Variants in RABGAP1L observed in about 807,000 individuals in gnomAD.
RABGAP1L encodes rab GTPase-activating protein 1-like.
In RABGAP1L, 63 loss-of-function variants were observed where a neutral mutation model predicts 137.7. That is an observed-to-expected ratio of 0.46 (90% CI 0.37 to 0.56). The LOEUF is 0.56. Ranked by LOEUF, RABGAP1L falls within the 20% of genes least tolerant of loss-of-function variation. The pLI is 0.00. For synonymous variants in RABGAP1L, 431 were observed against 433.7 expected (o/e 0.99, Z 0.08); for missense variants, 1,095 against 1,244.0 (o/e 0.88, Z 1.80).
intron 13 of RABGAP1L, among the ~76,000 whole-genome samples, chr1:174,587,224 T>C (rs12132404): frequency 0.039 from 5,725 of 145,286 alleles, 151 homozygotes; most frequent in Non-Finnish European, 0.06. Flanking sequence ...TGCATGTGTC[T>C]TTATAGCAGC....
At chr1:174,733,258 T>C (rs975495177) in intron 17 of RABGAP1L, among the ~76,000 whole-genome samples, 5 of 152,212 alleles carry the variant, frequency 3.3e-5, no homozygotes, top group Admixed American at 1.3e-4. Flanking sequence ...GACCAAGATA[T>C]GGCAGGCTGC....
At chr1:174,691,473 C>T (rs1179811016) in intron 15 of RABGAP1L, among the ~76,000 whole-genome samples, 5 of 152,152 alleles carry the variant, frequency 3.3e-5, no homozygotes, top group African/African-American at 9.7e-5. Context: ...TATTACCAAA[C>T]GGTGATTACA....
intron 19 of RABGAP1L, among the ~76,000 whole-genome samples, chr1:174,941,765 G>A (rs948482521): frequency 6.6e-6 from 1 of 152,150 alleles, no homozygotes; most frequent in Non-Finnish European, 1.5e-5. Context: ...CCTCCAGGAC[G>A]ATGCTTACAT....
chr1:174,519,233 CAT>C (rs751469590), intron 13 of RABGAP1L, among the ~76,000 whole-genome samples: 193 of 150,810 alleles, frequency 1.3e-3, no homozygotes, highest in Non-Finnish European at 1.9e-3. Context: ...CACACACACA[CAT>C]ATATATATAT....
At chr1:174,339,538 A>G (rs1182341701) in intron 11 of RABGAP1L, among the ~76,000 whole-genome samples, 1 of 152,184 alleles carries the variant, frequency 6.6e-6, no homozygotes, top group East Asian at 1.9e-4. Flanking sequence ...ATATTTTTTT[A>G]TATTGCTTAT....
intron 14 of RABGAP1L, among the ~76,000 whole-genome samples, chr1:174,655,239 T>C (rs1675878238): frequency 6.6e-6 from 1 of 152,206 alleles, no homozygotes; most frequent in Non-Finnish European, 1.5e-5. Context: ...ATCCAAATGT[T>C]CTTGATAGAT....
chr1:174,409,716 G>A (rs749672578), intron 13 of RABGAP1L, among the ~76,000 whole-genome samples: 21 of 152,090 alleles, frequency 1.4e-4, no homozygotes, highest in Non-Finnish European at 2.5e-4. Context: ...GTCTATAAAC[G>A]GCCACTCTGG....
chr1:174,948,728 A>G (rs1667277593), intron 19 of RABGAP1L: 1 of 152,156 alleles, frequency 6.6e-6, no homozygotes, highest in African/African-American at 2.4e-5. Context: ...CATACCTCAG[A>G]TCTTCTGAAT....
At chr1:174,455,340 A>G (rs1160999698) in intron 13 of RABGAP1L, among the ~76,000 whole-genome samples, 3 of 152,118 alleles carry the variant, frequency 2.0e-5, no homozygotes, top group African/African-American at 4.8e-5. Flanking sequence ...CCCCAGTTTT[A>G]TTTTATTTTC....
chr1:174,180,977 A>T (rs7547766), intron 1 of RABGAP1L, among the ~76,000 whole-genome samples: 162 of 152,054 alleles, frequency 1.1e-3, no homozygotes, highest in African/African-American at 3.7e-3. Context: ...CTTCTCTTAC[A>T]TTTAATTCAC....
intron 13 of RABGAP1L, among the ~76,000 whole-genome samples, chr1:174,566,399 A>G (rs913538444): frequency 6.6e-5 from 10 of 151,998 alleles, no homozygotes; most frequent in African/African-American, 2.4e-4. Flanking sequence ...TTCTGGTGGT[A>G]ATTGTTATTC....
intron 13 of RABGAP1L, among the ~76,000 whole-genome samples, chr1:174,444,082 T>TG (rs199828592): frequency 0.035 from 5,271 of 152,136 alleles, 118 homozygotes; most frequent in Middle Eastern, 0.088. Context: ...ACTATAACTT[T>TG]GTAGTGTATT....
At position 174,995,099 on chromosome 1, in the gene RABGAP1L, T is replaced by C. The variant is rs1321586241; in HGVS notation, c.*5098T>C. The C allele has an allele frequency of 6.6e-6, 1 of 152,268 alleles. No individual in the cohort carries two copies. The highest frequency in any genetic ancestry group is 1.5e-5 in the Non-Finnish European group (1 of 68,056). The allele number at this position is 152,268 out of a possible 1,614,324, so 9.4% of individuals were successfully genotyped here. On this transcript the variant is annotated 3_prime_UTR_variant, in exon 26 of 26. Transcript: ENST00000681986. ...TCTAAAAAGTGCAATTTATTGTACA[T>C]TGTCCCAACAAATGTTTACTTTTAT...
intron 18 of RABGAP1L, among the ~76,000 whole-genome samples, chr1:174,807,280 A>T (rs1689401844): frequency 1.3e-5 from 2 of 152,214 alleles, no homozygotes; most frequent in South Asian, 2.1e-4. Context: ...TGAATATGTA[A>T]TCAAGAAAAA....
chr1:174,961,761 G>T (rs956611683), intron 20 of RABGAP1L, among the ~76,000 whole-genome samples: 7 of 148,324 alleles, frequency 4.7e-5, no homozygotes, highest in African/African-American at 1.7e-4. Flanking sequence ...CATGAGAATC[G>T]CTTGAGCCTG....
At chr1:174,879,732 CA>C (rs893998777) in intron 19 of RABGAP1L, among the ~76,000 whole-genome samples, 6 of 151,080 alleles carry the variant, frequency 4.0e-5, no homozygotes, top group East Asian at 1.9e-4. Context: ...AGCTGGAAGA[CA>C]AAAAAAAGCA....
chr1:174,842,605 G>T (rs1693535752), intron 19 of RABGAP1L, among the ~76,000 whole-genome samples: 1 of 152,148 alleles, frequency 6.6e-6, no homozygotes, highest in Non-Finnish European at 1.5e-5. Flanking sequence ...TCTCAAAGAG[G>T]ATACACAGTC....
intron 18 of RABGAP1L, among the ~76,000 whole-genome samples, chr1:174,811,114 A>AGTG (rs1160781233): frequency 9.2e-5 from 14 of 152,258 alleles, no homozygotes; most frequent in African/African-American, 3.1e-4. Flanking sequence ...AGTAAAAATA[A>AGTG]GTGGTATAAC....
intron 13 of RABGAP1L, among the ~76,000 whole-genome samples, chr1:174,478,130 G>A (rs182398241): frequency 4.6e-5 from 7 of 151,844 alleles, no homozygotes; most frequent in East Asian, 3.9e-4. Flanking sequence ...TATTTTCCCC[G>A]TCTAGTTTTC....
Sources: gnomAD v4.1 joint callset for allele counts (sites outside exome capture counted in the v4.1 genomes callset) on GRCh38, gnomAD v4.1.1 for gene constraint, MANE v1.5 for transcripts, NCBI Gene and HGNC (gene_info 2026-07-23, HGNC 2026-07-21) for gene names.